MALRD1: variants seen among roughly 807,000 people sequenced by gnomAD.
The protein encoded by MALRD1 is MAM and LDL receptor class A domain containing 1, also known as MAM and LDL-receptor class A domain-containing protein 1.
Under a neutral mutation model 242.1 loss-of-function variants are expected in MALRD1, and 247 were observed. That is an observed-to-expected ratio of 1.02 (90% confidence interval 0.92 to 1.13). MALRD1 has a LOEUF of 1.13. Among genes scored for constraint, MALRD1 ranks in the 50% most tolerant of loss-of-function variants. MALRD1 has a pLI of 0.00. For synonymous variants in MALRD1, 995 were observed against 866.6 expected (o/e 1.15, Z -2.60); for missense variants, 2,989 against 2,533.1 (o/e 1.18, Z -3.86).
chr10:19,709,243 T>TAAAAAAAAAAAAAAAAAAAAAAAAAA (rs557818453), intron 38 of MALRD1, among the ~76,000 whole-genome samples: 4 of 105,942 alleles, frequency 3.8e-5, no homozygotes, highest in African/African-American at 1.5e-4. Flanking sequence ...CCGTCTGTAC[T>TAAAAAAAAAAAAAAAAAAAAAAAAAA]AAAAAAAAAA....
intron 29 of MALRD1, among the ~76,000 whole-genome samples, chr10:19,472,677 A>T (rs954024942): frequency 5.9e-5 from 9 of 151,640 alleles, no homozygotes; most frequent in Admixed American, 6.6e-5. Flanking sequence ...AAGTTATCAA[A>T]GTTGTTAGAA....
intron 28 of MALRD1, among the ~76,000 whole-genome samples, chr10:19,397,300 A>T (rs920584208): frequency 2.4e-4 from 36 of 152,040 alleles, no homozygotes; most frequent in African/African-American, 8.5e-4. Flanking sequence ...CTTCTATGAG[A>T]TACATGTTTT....
intron 2 of MALRD1, among the ~76,000 whole-genome samples, chr10:19,085,127 G>A (rs1835624847): frequency 6.6e-6 from 1 of 151,990 alleles, no homozygotes; most frequent in South Asian, 2.1e-4. Context: ...TATAAACTTT[G>A]TTGTTCAAGA....
chr10:19,050,045 T>C (rs995584010), intron 1 of MALRD1, among the ~76,000 whole-genome samples: 1 of 151,980 alleles, frequency 6.6e-6, no homozygotes, highest in African/African-American at 2.4e-5. Context: ...AGGCACGAAT[T>C]CTATTATTGT....
At chr10:19,305,500 A>G (rs1842124031) in intron 21 of MALRD1, among the ~76,000 whole-genome samples, 1 of 151,366 alleles carries the variant, frequency 6.6e-6, no homozygotes, top group African/African-American at 2.4e-5. Context: ...ATAAAGCTAA[A>G]TAAAAGTATT....
chr10:19,304,360 T>G (rs542912601), intron 21 of MALRD1, among the ~76,000 whole-genome samples: 1 of 151,790 alleles, frequency 6.6e-6, no homozygotes, highest in African/African-American at 2.4e-5. Context: ...TCTCTGCCTC[T>G]CTGTATCATC....
At chr10:19,355,859 T>TATATATATATATATATATAC (rs1348787430) in intron 26 of MALRD1, among the ~76,000 whole-genome samples, 1,396 of 18,162 alleles carry the variant, frequency 0.077, 49 homozygotes, top group Non-Finnish European at 0.094. Flanking sequence ...ATATATATAT[T>TATATATATATATATATATAC]ATATATGATA....
chr10:19,280,464 T>C lies in MALRD1; in HGVS notation c.3256+241T>C, dbSNP rs183961616. On this transcript the variant is annotated intron_variant, in intron 20 of 39. Transcript: ENST00000454679. The stretch of plus-strand genomic sequence containing the variant: ...CGTTTTGGATTCAAAACTATCGTTT[T>C]CACAAACTTTACTTGACTCTGGGAG... Among the ~76,000 whole-genome samples the C allele has an allele frequency of 5.9e-5, 9 of 152,346 alleles. No homozygotes were observed. The East Asian group carries it at 1.7e-3, about 29-fold the overall frequency.
rs571909656 is a variant in MALRD1, at chr10:19,463,543, G to A, written c.5029+13053G>A. Among the ~76,000 whole-genome samples the A allele has an allele frequency of 1.4e-4, 19 of 140,190 alleles. No homozygotes were observed. The East Asian group carries it at 2.9e-3, about 22-fold the overall frequency. 92.0% of individuals were successfully genotyped at this position (140,190 alleles called of 152,430 possible). The stretch of plus-strand genomic sequence containing the variant: ...AAATGCCACTAATTCGTTCCCTTTC[G>A]TGGCTGAGTAGTGTGTGTGTGTGTG... On this transcript the variant is annotated intron_variant, in intron 29 of 39. Coordinates refer to ENST00000454679, the MANE Select transcript of MALRD1 (RefSeq NM_001142308.3).
In MALRD1 at chr10:19,498,326, A is replaced by G. The variant is rs1198527225; in HGVS notation, c.5159-159A>G. Among the ~76,000 whole-genome samples the G allele has an allele frequency of 2.6e-5, 4 of 152,356 alleles. No homozygotes were observed. In the East Asian group the frequency reaches 5.8e-4, roughly 22 times the overall value. On this transcript the variant is annotated intron_variant, in intron 30 of 39. Transcript: ENST00000454679. Reference sequence around the variant, plus strand: ...TCATACACTGCTTCTAGATCCTTCAATTAAAATATTAACAATGAGTACAAA... The same window carrying G: ...TCATACACTGCTTCTAGATCCTTCAGTTAAAATATTAACAATGAGTACAAA...
chr10:19,665,096 T>C (rs1316817460), intron 36 of MALRD1, among the ~76,000 whole-genome samples: 2 of 152,072 alleles, frequency 1.3e-5, no homozygotes, highest in Non-Finnish European at 2.9e-5. Flanking sequence ...AAAATATAGA[T>C]TAACAAGACA....
rs568522147 is a variant in MALRD1 at position 19,128,643 on chromosome 10, G to T, written c.1110+256G>T. The stretch of plus-strand genomic sequence containing the variant: ...ATGGAAGTATATTAAAGAAACTATA[G>T]ATCTAATAAAAATGGGATAGCTGAG... On this transcript the variant is annotated intron_variant, in intron 8 of 39. Transcript: ENST00000454679. Among the ~76,000 whole-genome samples the T allele has an allele frequency of 1.6e-4, 24 of 152,202 alleles. 1 individual carries two copies. The East Asian group carries it at 4.2e-3, about 27-fold the overall frequency.
At position 19,066,752 on chromosome 10, in the gene MALRD1, G is replaced by T; in HGVS notation, c.233G>T (p.Gly78Val). 1.6e-6 allele frequency: 2 copies of T among 1,233,644 alleles called. No individual in the cohort carries two copies. Among genetic ancestry groups the T allele is most frequent in the African/African-American group, 1.5e-5 (1 of 64,598 alleles). The allele number at this position is 1,233,644 out of a possible 1,614,324, so 76.4% of individuals were successfully genotyped here. A position where few individuals can be genotyped will look rare whatever the true frequency, so the allele number is the denominator to read the frequency against. Reference sequence around the variant, plus strand: ...TATGAAAGATGTGATTTTGAGGATGGTCTCTGTCATATGACTCAAGATCAG... The same window carrying T: ...TATGAAAGATGTGATTTTGAGGATGTTCTCTGTCATATGACTCAAGATCAG... Reference protein sequence around the residue: ...LNYERCDFEDGLCHMTQDQSL... With the variant: ...LNYERCDFEDVLCHMTQDQSL... The change falls in exon 2 of 40, where the codon GGT (glycine) becomes GTT (valine). Residue 78 changes from glycine (G) to valine (V), a missense_variant. Transcript: ENST00000454679.
rs530110504 is a variant in MALRD1 at position 19,133,543 on chromosome 10, T to A, written c.1111-313T>A. ...TTGAGTTCAACATTTTAATTGCTGA[T>A]CTTATTAACTGTTATTTAGAATTTT... is the stretch of plus-strand genomic sequence containing the variant. On this transcript the variant is annotated intron_variant, in intron 8 of 39. Coordinates refer to ENST00000454679, the MANE Select transcript of MALRD1 (RefSeq NM_001142308.3). Among the ~76,000 whole-genome samples the A allele has an allele frequency of 9.2e-5, 14 of 152,318 alleles. No homozygotes were observed. The East Asian group carries it at 1.2e-3, about 13-fold the overall frequency.
chr10:19,088,069 G>A lies in MALRD1; in HGVS notation c.481G>A (p.Val161Ile), dbSNP rs1162482899. The change falls in exon 4 of 40, where the codon GTT becomes ATT. Residue 161 changes from valine (V) to isoleucine (I), a missense_variant. Physicochemically the swap from Val to Ile is conservative, Grantham distance 29. Coordinates refer to ENST00000454679, the MANE Select transcript of MALRD1 (RefSeq NM_001142308.3). The stretch of plus-strand genomic sequence containing the variant: ...CTGCCAAGTGAGTGGCAAATTAATG[G>A]TTGGGCTTCAAACTGCATGTGGAGG... ...FSCQVSGKLM[V>I]GLQTACGGPI... The A allele has an allele frequency of 1.6e-6, 2 of 1,233,362 alleles. No individual in the cohort carries two copies. Among genetic ancestry groups the A allele is most frequent in the Non-Finnish European group, 2.0e-6 (2 of 987,914 alleles). The allele number at this position is 1,233,362 out of a possible 1,614,324, so 76.4% of individuals were successfully genotyped here. A position where few individuals can be genotyped will look rare whatever the true frequency, so the allele number is the denominator to read the frequency against.
chr10:19,057,983 T>C (rs1169779827), intron 1 of MALRD1, among the ~76,000 whole-genome samples: 1 of 152,194 alleles, frequency 6.6e-6, no homozygotes, highest in African/African-American at 2.4e-5. Context: ...TCCAAATTAG[T>C]TGGGAAAAAA....
intron 31 of MALRD1, among the ~76,000 whole-genome samples, chr10:19,507,423 C>T (rs1411692559): frequency 6.6e-6 from 1 of 151,696 alleles, no homozygotes; most frequent in Non-Finnish European, 1.5e-5. Flanking sequence ...AGTGAAAAAA[C>T]CTAACAATAT....
intron 4 of MALRD1, among the ~76,000 whole-genome samples, chr10:19,096,080 CTA>C (rs1313081587): frequency 9.2e-5 from 14 of 152,096 alleles, no homozygotes; most frequent in Admixed American, 8.5e-4. Flanking sequence ...TTAGACGTGT[CTA>C]TGTTTTTTGA....
chr10:19,598,983 G>A (rs1838231274), intron 34 of MALRD1, among the ~76,000 whole-genome samples: 1 of 151,906 alleles, frequency 6.6e-6, no homozygotes, highest in African/African-American at 2.4e-5. Flanking sequence ...ATATAAATTG[G>A]AAAAAGCCAA....
Sources: gnomAD v4.1 joint callset for allele counts (sites outside exome capture counted in the v4.1 genomes callset) on GRCh38, gnomAD v4.1.1 for gene constraint, MANE v1.5 for transcripts, NCBI Gene and HGNC (gene_info 2026-07-23, HGNC 2026-07-21) for gene names.